USP20: variants seen among roughly 807,000 people sequenced by gnomAD.
USP20 encodes the protein ubiquitin specific peptidase 20, also known as ubiquitin carboxyl-terminal hydrolase 20.
A neutral mutation model predicts 124.2 loss-of-function variants in USP20; 80 were observed. The observed-to-expected ratio is 0.64, with a 90% CI of 0.54 to 0.78. The LOEUF is 0.78. USP20 is among the 30% of genes least tolerant of loss of function. The probability of loss-of-function intolerance (pLI) is 0.00; values close to 1 mark genes in which losing one functional copy is unlikely to be tolerated. For missense variants in USP20, 1,043 were observed against 1,244.4 expected (o/e 0.84, Z 2.44); for synonymous variants, 481 against 512.3 (o/e 0.94, Z 0.83).
intron 3 of USP20, 145 bp downstream of exon 3, chr9:129,852,781 C>T: frequency 1.2e-6 from 1 of 829,024 alleles, no homozygotes; most frequent in South Asian, 1.7e-5. Context: ...CTGGCATCTG[C>T]TTGGGAGGCC....
chr9:129,837,226 A>G (rs1331657542), intron 1 of USP20, among the ~76,000 whole-genome samples: 2 of 152,338 alleles, frequency 1.3e-5, no homozygotes, highest in East Asian at 1.9e-4. Context: ...TAAGCGTAGG[A>G]TGAGACTGTC....
chr9:129,877,696 C>A (rs748042506), intron 22 of USP20, among the ~76,000 whole-genome samples: 15 of 151,530 alleles, frequency 9.9e-5, no homozygotes, highest in African/African-American at 3.4e-4. Context: ...GACCACCCCC[C>A]ATCTCGAAAA....
chr9:129,869,248 G>A (rs1391742164), intron 12 of USP20, 62 bp from the exon 13 acceptor site: 2 of 1,528,284 alleles, frequency 1.3e-6, no homozygotes, highest in African/African-American at 1.4e-5. Context: ...GAAGCCGCAG[G>A]GCCCGCACCT....
rs1392451872 is a variant in USP20 at position 129,876,954 on chromosome 9, G to GT, written c.2409+717dup. On this transcript the variant is annotated intron_variant, in intron 22 of 25. Transcript: ENST00000372429. ...CAGAGATTGCCCAGGGTCCCCTGGG[G>GT]TGCAGAGTACCCTCCCTGCCCTGGG... is the stretch of plus-strand genomic sequence containing the variant. Among the ~76,000 whole-genome samples, 10 of 152,224 alleles carry GT rather than the reference G, an allele frequency of 6.6e-5. No individual in the cohort carries two copies. In the East Asian group the frequency reaches 1.9e-3, roughly 29 times the overall value.
At chr9:129,847,016 A>T (rs1311537882) in intron 1 of USP20, among the ~76,000 whole-genome samples, 4 of 152,160 alleles carry the variant, frequency 2.6e-5, no homozygotes, top group Non-Finnish European at 5.9e-5. Flanking sequence ...ATTTCATTGT[A>T]TGGGTATATC....
intron 16 of USP20, 61 bp from the exon 17 acceptor site, chr9:129,873,638 T>C: frequency 6.2e-7 from 1 of 1,613,684 alleles, no homozygotes; most frequent in Non-Finnish European, 8.5e-7. Context: ...GGTGGAGGGC[T>C]GCTTCCCTGG....
intron 1 of USP20, among the ~76,000 whole-genome samples, chr9:129,836,203 C>T (rs7024051): frequency 0.19 from 28,576 of 152,152 alleles, 3,210 homozygotes; most frequent in South Asian, 0.26. Context: ...TAAATAATGG[C>T]TTCTAGGACT....
chr9:129,878,215 A>G (rs1038332504), intron 22 of USP20, 123 bp from the exon 23 acceptor site: 31 of 745,122 alleles, frequency 4.2e-5, no homozygotes, highest in Admixed American at 6.5e-5. Context: ...CACCTTGAGT[A>G]TCTGGTGTTT....
At chr9:129,876,324 A>G in intron 22 of USP20, 86 bp downstream of exon 22, 1 of 1,153,782 alleles carries the variant, frequency 8.7e-7, no homozygotes, top group East Asian at 2.6e-5. Context: ...AATCCTGTGC[A>G]GTCCCTGAGC....
rs2034251514 is a variant in USP20, at chr9:129,873,762, GCAGCCTCCT to G, written c.1740+20_1740+28del. Reference sequence around the variant, plus strand: ...TGCCCGAGGTGAGCCAGTGGCCTCGGCAGCCTCCTCCTCAGCTATCTCGGGATGCACACC... The same window carrying G: ...TGCCCGAGGTGAGCCAGTGGCCTCGGCCTCAGCTATCTCGGGATGCACACC... On this transcript the variant is annotated intron_variant, in intron 17 of 25. Transcript: ENST00000372429. 1 of 1,609,474 alleles carries G rather than the reference GCAGCCTCCT, an allele frequency of 6.2e-7. No individual in the cohort carries two copies. The highest frequency in any genetic ancestry group is 2.2e-5 in the East Asian group (1 of 44,884).
chr9:129,870,259 G>C (rs1368017263), intron 14 of USP20, 194 bp from the exon 15 acceptor site: 2 of 606,368 alleles, frequency 3.3e-6, no homozygotes, highest in African/African-American at 3.7e-5. Flanking sequence ...CTTGCGGAGA[G>C]ATGATGTCAC....
At chr9:129,875,980 G>C in intron 21 of USP20, 150 bp from the exon 22 acceptor site, 1 of 464,306 alleles carries the variant, frequency 2.2e-6, no homozygotes. Flanking sequence ...TCCGTTGCAG[G>C]CTCTGTGGTG....
In USP20 at chr9:129,873,080, C is replaced by CTTTTTTTTTTT. The variant is rs59712662; in HGVS notation, c.1661-393_1661-383dup. Among the ~76,000 whole-genome samples, 549 of 78,090 alleles carry CTTTTTTTTTTT rather than the reference C, an allele frequency of 7.0e-3. 6 individuals are homozygous for CTTTTTTTTTTT. The highest frequency in any genetic ancestry group is 8.6e-3 in the Non-Finnish European group (368 of 42,822). 51.2% of individuals were successfully genotyped at this position (78,090 alleles called of 152,430 possible). On this transcript the variant is annotated intron_variant, in intron 15 of 25. Coordinates refer to ENST00000372429, the MANE Select transcript of USP20 (RefSeq NM_001110303.4). The stretch of plus-strand genomic sequence containing the variant: ...TTTATTTCTTTTTCTTTTTCTTCTT[C>CTTTTTTTTTTT]TTTTTTTTTTTTTTTTTTTGAGATG...
rs2033544788 is a variant in USP20, at chr9:129,861,495, G to A, written c.428-48G>A. 2.5e-6 allele frequency: 4 copies of A among 1,573,624 alleles called. No individual in the cohort carries two copies. In the East Asian group the frequency reaches 6.7e-5, roughly 26 times the overall value. The stretch of plus-strand genomic sequence containing the variant: ...AAATGTGACTTGCAAGGTTTCCTCG[G>A]TGGGGCAGGGTGCTCACCTGCTCCT... On this transcript the variant is annotated intron_variant, in intron 7 of 25. Transcript: ENST00000372429.
intron 12 of USP20, 128 bp downstream of exon 12, chr9:129,869,130 A>G: frequency 7.0e-7 from 1 of 1,430,016 alleles, no homozygotes; most frequent in Non-Finnish European, 9.3e-7. Context: ...CACCCCTGAG[A>G]CACCAGTGTG....
At position 129,869,010 on chromosome 9, in the gene USP20, G is replaced by A. The variant is rs1486721833; in HGVS notation, c.1276+8G>A. ...CGTACGTGCTCAAGAAAGGTTCGGGGGGCACGGGAGGGTGGGTCAGCTTGA... is the reference window on the plus strand; with the variant it reads ...CGTACGTGCTCAAGAAAGGTTCGGGAGGCACGGGAGGGTGGGTCAGCTTGA... On this transcript the variant is annotated splice_region_variant and intron_variant, in intron 12 of 25. Transcript: ENST00000372429. The A allele has an allele frequency of 1.3e-6, 2 of 1,595,888 alleles. No homozygotes were observed.
At chr9:129,849,378 G>T (rs563418334) in intron 1 of USP20, among the ~76,000 whole-genome samples, 62 of 152,308 alleles carry the variant, frequency 4.1e-4, no homozygotes, top group African/African-American at 1.3e-3. Flanking sequence ...CTAGCCTGTG[G>T]ACATCCCCAA....
At chr9:129,842,668 A>G (rs914335991) in intron 1 of USP20, among the ~76,000 whole-genome samples, 14 of 149,790 alleles carry the variant, frequency 9.3e-5, no homozygotes, top group African/African-American at 3.5e-4. Context: ...ATCTCGGCTC[A>G]CTGCAACCTC....
chr9:129,864,334 G>A (rs527285938), intron 9 of USP20, among the ~76,000 whole-genome samples: 28 of 151,954 alleles, frequency 1.8e-4, no homozygotes, highest in Non-Finnish European at 1.9e-4. Flanking sequence ...TGAGTGTGGT[G>A]TGAGCACTTG....
Sources: gnomAD v4.1 joint callset for allele counts (sites outside exome capture counted in the v4.1 genomes callset) on GRCh38, gnomAD v4.1.1 for gene constraint, MANE v1.5 for transcripts, NCBI Gene and HGNC (gene_info 2026-07-23, HGNC 2026-07-21) for gene names.